HAUS6: variants seen among roughly 807,000 people sequenced by gnomAD.
HAUS6 encodes HAUS augmin-like complex subunit 6.
Under a neutral mutation model 106.8 loss-of-function variants are expected in HAUS6, and 80 were observed. The observed-to-expected ratio is 0.75, with a 90% CI of 0.63 to 0.90. The LOEUF is 0.90. Among genes scored for constraint, HAUS6 ranks in the 40% least tolerant of loss-of-function variants. The pLI is 0.00. For synonymous variants in HAUS6, 356 were observed against 379.1 expected (o/e 0.94, Z 0.71); for missense variants, 1,155 against 1,118.1 (o/e 1.03, Z -0.47).
intron 1 of HAUS6, among the ~76,000 whole-genome samples, chr9:19,097,448 C>G (rs144694995): frequency 1.3e-3 from 202 of 152,108 alleles, no homozygotes; most frequent in African/African-American, 4.8e-3. Context: ...AGGATATGAA[C>G]AGACACTTCT....
chr9:19,076,610 G>A lies in HAUS6; in HGVS notation c.1286C>T (p.Ser429Leu), dbSNP rs781742360. The A allele has an allele frequency of 6.6e-7, 1 of 1,524,034 alleles. No individual in the cohort carries two copies. The highest frequency in any genetic ancestry group is 9.1e-7 in the Non-Finnish European group (1 of 1,103,334). The allele number at this position is 1,524,034 out of a possible 1,614,324, so 94.4% of individuals were successfully genotyped here. A position where few individuals can be genotyped will look rare whatever the true frequency, so the allele number is the denominator to read the frequency against. ...ATAAATAAATAACCAACCTGGAAGTGAAGCAGGATACTGACAAAGAATACT... is the reference window on the plus strand; with the variant it reads ...ATAAATAAATAACCAACCTGGAAGTAAAGCAGGATACTGACAAAGAATACT... ...AKSILCQYPA[S>L]LPDAHKQHNQ... Residue 429 changes from serine (S) to leucine (L), a missense_variant, in exon 11 of 17, where the codon TCA becomes TTA. Physicochemically the swap from Ser to Leu is moderately radical, Grantham distance 145. Coordinates refer to ENST00000380502, the MANE Select transcript of HAUS6 (RefSeq NM_017645.5).
intron 16 of HAUS6, 134 bp from the exon 17 acceptor site, chr9:19,056,538 T>C (rs112485743): frequency 3.3e-6 from 2 of 602,080 alleles, no homozygotes. Context: ...GATAAAATTA[T>C]TATTATTCTC....
At chr9:19,071,430 G>C (rs1330537988) in intron 11 of HAUS6, among the ~76,000 whole-genome samples, 2 of 152,130 alleles carry the variant, frequency 1.3e-5, no homozygotes, top group Non-Finnish European at 2.9e-5. Context: ...TATTTTAAGA[G>C]ATATTGGTGA....
At chr9:19,080,722 C>T in intron 8 of HAUS6, 50 bp from the exon 9 acceptor site, 1 of 946,650 alleles carries the variant, frequency 1.1e-6, no homozygotes, top group Non-Finnish European at 1.6e-6. Flanking sequence ...GTTGTTACAA[C>T]AAACTATTAC....
chr9:19,068,635 T>C (rs1836818559), intron 12 of HAUS6, among the ~76,000 whole-genome samples: 1 of 152,112 alleles, frequency 6.6e-6, no homozygotes, highest in African/African-American at 2.4e-5. Flanking sequence ...ATAATTTTCC[T>C]AAGTATTTTA....
rs531271855 is a variant in HAUS6 at position 19,069,758 on chromosome 9, G to T, written c.1376+461C>A. Among the ~76,000 whole-genome samples the T allele has an allele frequency of 5.9e-4, 89 of 152,044 alleles. No homozygotes were observed. The South Asian group carries it at 6.0e-3, about 10-fold the overall frequency. On this transcript the variant is annotated intron_variant, in intron 12 of 16. Transcript: ENST00000380502. ...CCAGAGTAAATAAGATTGGAAACTG[G>T]TTTAAGATGGGAATAAAATTAATAT... is the stretch of plus-strand genomic sequence containing the variant.
In HAUS6 at chr9:19,055,629, C is replaced by T. The variant is rs1368108909; in HGVS notation, c.*714G>A. 2 of 152,018 alleles carry T rather than the reference C, an allele frequency of 1.3e-5. No homozygotes were observed. Among genetic ancestry groups the T allele is most frequent in the East Asian group, 3.9e-4 (2 of 5,194 alleles). 9.4% of individuals were successfully genotyped at this position (152,018 alleles called of 1,614,324 possible). ...AGACTAAATATAAATGTTATACAAC[C>T]CACTGAATGGATTTATAGTTTGACA... On this transcript the variant is annotated 3_prime_UTR_variant, in exon 17 of 17. Coordinates refer to ENST00000380502, the MANE Select transcript of HAUS6 (RefSeq NM_017645.5).
chr9:19,076,131 G>A (rs1463056761), intron 11 of HAUS6, among the ~76,000 whole-genome samples: 5 of 151,766 alleles, frequency 3.3e-5, no homozygotes, highest in South Asian at 4.2e-4. Context: ...AGGCTGAGAC[G>A]GGTCAATCAT....
At chr9:19,092,664 C>A (rs1817778429) in intron 4 of HAUS6, among the ~76,000 whole-genome samples, 1 of 142,694 alleles carries the variant, frequency 7.0e-6, no homozygotes, top group Non-Finnish European at 1.5e-5. Flanking sequence ...TGGCTCATAC[C>A]TGTAATCCCA....
In HAUS6 at chr9:19,082,906, G is replaced by A. The variant is rs766017848; in HGVS notation, c.837C>T (p.Leu279=). 2.6e-6 allele frequency: 4 copies of A among 1,518,492 alleles called. No individual in the cohort carries two copies. Among genetic ancestry groups the A allele is most frequent in the South Asian group, 2.7e-5 (2 of 74,296 alleles). 94.1% of individuals were successfully genotyped at this position (1,518,492 alleles called of 1,614,324 possible). The stretch of plus-strand genomic sequence containing the variant: ...TTTGTTTCTCAATTTTGTCAAGTAA[G>A]AGCCTTGGAATATTAATAGCAACAT... ...GTNVAINIPR[L]LLDKIEKQMF... The change falls in exon 8 of 17, where the codon CTC becomes CTT. Residue 279 remains leucine, a synonymous_variant. Coordinates refer to ENST00000380502, the MANE Select transcript of HAUS6 (RefSeq NM_017645.5).
intron 9 of HAUS6, among the ~76,000 whole-genome samples, chr9:19,078,845 TAAAAA>T (rs34221496): frequency 7.4e-6 from 1 of 134,834 alleles, no homozygotes; most frequent in African/African-American, 2.7e-5. Flanking sequence ...AAAATTAGTT[TAAAAA>T]AAAAAAAAAA....
At chr9:19,095,163 G>A (rs919835274) in intron 2 of HAUS6, among the ~76,000 whole-genome samples, 1 of 151,776 alleles carries the variant, frequency 6.6e-6, no homozygotes, top group Admixed American at 6.6e-5. Context: ...AACTGTGGGT[G>A]CTATTATTTT....
chr9:19,086,142 T>C (rs1281274246), intron 7 of HAUS6, among the ~76,000 whole-genome samples: 2 of 150,508 alleles, frequency 1.3e-5, no homozygotes, highest in Admixed American at 6.7e-5. Context: ...CGAAACCCTA[T>C]CTCTACAAAA....
At chr9:19,080,982 G>C (rs1023169617) in intron 8 of HAUS6, among the ~76,000 whole-genome samples, 3 of 151,968 alleles carry the variant, frequency 2.0e-5, no homozygotes, top group Admixed American at 6.6e-5. Context: ...TGAGGCAGGA[G>C]AATCGCTTGA....
chr9:19,062,036 T>C (rs187689608), intron 14 of HAUS6, among the ~76,000 whole-genome samples: 1 of 152,354 alleles, frequency 6.6e-6, no homozygotes, highest in Admixed American at 6.5e-5. Flanking sequence ...TGCTAAAGCA[T>C]GTTGTGGAAA....
intron 6 of HAUS6, 98 bp downstream of exon 6, chr9:19,086,993 T>G: frequency 1.4e-6 from 1 of 693,032 alleles, no homozygotes; most frequent in East Asian, 2.5e-5. Context: ...ATTGATATAT[T>G]ATTTTAATTA....
At chr9:19,088,564 C>CTT (rs1203981483) in intron 5 of HAUS6, among the ~76,000 whole-genome samples, 1 of 151,824 alleles carries the variant, frequency 6.6e-6, no homozygotes, top group Non-Finnish European at 1.5e-5. Context: ...CATAAGAAAA[C>CTT]TGAACTTTTT....
chr9:19,099,663 T>C (rs967823098), intron 1 of HAUS6, among the ~76,000 whole-genome samples: 17 of 152,202 alleles, frequency 1.1e-4, no homozygotes, highest in Non-Finnish European at 2.4e-4. Context: ...GGTCTCACTA[T>C]GTTGCCCAGG....
intron 12 of HAUS6, among the ~76,000 whole-genome samples, chr9:19,067,996 C>A (rs1836800351): frequency 6.6e-6 from 1 of 150,560 alleles, no homozygotes; most frequent in South Asian, 2.1e-4. Flanking sequence ...ACCTGGCCCC[C>A]CAAAAAAAAA....
Sources: gnomAD v4.1 joint callset for allele counts (sites outside exome capture counted in the v4.1 genomes callset) on GRCh38, gnomAD v4.1.1 for gene constraint, MANE v1.5 for transcripts, NCBI Gene and HGNC (gene_info 2026-07-23, HGNC 2026-07-21) for gene names.